The following RARB variants were observed in gnomAD, a reference collection of about 807,000 sequenced individuals.
RARB encodes retinoic acid receptor beta.
In RARB, 17 loss-of-function variants were observed where a neutral mutation model predicts 51.9. That is an observed-to-expected ratio of 0.33 (90% CI 0.22 to 0.49). The LOEUF (loss-of-function observed/expected upper bound fraction) is 0.49. RARB is among the 20% of genes least tolerant of loss of function. The pLI is 0.99. For missense variants in RARB, 369 were observed against 550.8 expected (o/e 0.67, Z 3.30); for synonymous variants, 215 against 195.4 (o/e 1.10, Z -0.84).
intron 2 of RARB, among the ~76,000 whole-genome samples, chr3:24,899,151 A>C (rs1703543056): frequency 6.6e-6 from 1 of 152,204 alleles, no homozygotes; most frequent in Non-Finnish European, 1.5e-5. Context: ...ATGAAAATGT[A>C]TAGGTCTTTC....
intron 3 of RARB, among the ~76,000 whole-genome samples, chr3:25,121,123 A>G (rs1699777479): frequency 1.3e-5 from 2 of 152,160 alleles, no homozygotes; most frequent in Admixed American, 6.6e-5. Context: ...GGGAAGGATC[A>G]CTATTTCTGC....
rs1171274414 is a variant in RARB, at chr3:25,057,627, G to C, written c.-379-2498G>C. Among the ~76,000 whole-genome samples the C allele has an allele frequency of 2.0e-5, 3 of 151,944 alleles. No homozygotes were observed. The East Asian group carries it at 5.8e-4, about 29-fold the overall frequency. ...CTCATTTGTGGACCCTATGGGATGA[G>C]AACAGCTTCAAAGGAAAAATGAAAA... On this transcript the variant is annotated intron_variant, in intron 2 of 11. Transcript: ENST00000383772.
chr3:25,434,091 C>T (rs928383819), intron 1 of RARB, among the ~76,000 whole-genome samples: 5 of 152,154 alleles, frequency 3.3e-5, no homozygotes, highest in African/African-American at 9.7e-5. Flanking sequence ...CAGGAACTGA[C>T]GTCAGCAAGG....
intron 5 of RARB, among the ~76,000 whole-genome samples, chr3:25,411,715 A>G (rs561458314): frequency 1.3e-5 from 2 of 152,354 alleles, no homozygotes; most frequent in East Asian, 3.9e-4. Flanking sequence ...CCTGCCCTTG[A>G]TGGTCATGGC....
chr3:25,330,800 A>C (rs1432831606), intron 5 of RARB, among the ~76,000 whole-genome samples: 2 of 152,216 alleles, frequency 1.3e-5, no homozygotes, highest in African/African-American at 4.8e-5. Flanking sequence ...ATAGGCTCAA[A>C]ATAAAGGGAT....
At chr3:25,073,936 G>A (rs1204554700) in intron 3 of RARB, among the ~76,000 whole-genome samples, 2 of 151,994 alleles carry the variant, frequency 1.3e-5, no homozygotes, top group African/African-American at 4.8e-5. Context: ...GACTAGAGTT[G>A]GTAAATCACG....
At chr3:25,163,504 A>AAAATATATATATATATATATATAT (rs1303712411) in intron 4 of RARB, among the ~76,000 whole-genome samples, 14 of 131,094 alleles carry the variant, frequency 1.1e-4, no homozygotes, top group African/African-American at 4.5e-4. Flanking sequence ...CCTATCTCAA[A>AAAATATATATATATATATATATAT]ATATATATAT....
intron 2 of RARB, among the ~76,000 whole-genome samples, chr3:24,931,005 T>A (rs914043594): frequency 6.6e-6 from 1 of 152,048 alleles, no homozygotes; most frequent in Non-Finnish European, 1.5e-5. Flanking sequence ...AGAGTGAGAC[T>A]CTGTCTCTGA....
rs1698451966 is a variant in RARB, at chr3:25,056,861, A to G, written c.-379-3264A>G. On this transcript the variant is annotated intron_variant, in intron 2 of 11. Transcript: ENST00000383772. ...TCTTCCTTTGCCCCTCCTTAGAATC[A>G]TTAGAGAAAAAATTCCTTAATGACG... Among the ~76,000 whole-genome samples, 5 of 152,254 alleles carry G rather than the reference A, an allele frequency of 3.3e-5. No individual in the cohort carries two copies. The South Asian group carries it at 1.0e-3, about 32-fold the overall frequency.
chr3:25,280,331 T>C (rs901939809), intron 5 of RARB, among the ~76,000 whole-genome samples: 4 of 151,864 alleles, frequency 2.6e-5, no homozygotes, highest in Non-Finnish European at 5.9e-5. Flanking sequence ...CAAATGAGGG[T>C]TTTTTAACCT....
At chr3:25,161,521 T>A (rs1326791681) in intron 4 of RARB, among the ~76,000 whole-genome samples, 1 of 152,144 alleles carries the variant, frequency 6.6e-6, no homozygotes, top group African/African-American at 2.4e-5. Flanking sequence ...TAATGTAGAA[T>A]TGTAAATTAA....
intron 3 of RARB, among the ~76,000 whole-genome samples, chr3:25,130,122 C>T (rs1297807105): frequency 1.3e-5 from 2 of 152,014 alleles, no homozygotes; most frequent in African/African-American, 2.4e-5. Flanking sequence ...ATAGGACAAA[C>T]AGGAACATGA....
intron 2 of RARB, among the ~76,000 whole-genome samples, chr3:24,972,784 A>G (rs1696429302): frequency 6.6e-6 from 1 of 151,938 alleles, no homozygotes; most frequent in Non-Finnish European, 1.5e-5. Flanking sequence ...GCCATTTGTA[A>G]GTCTTCTTTT....
At chr3:25,043,189 G>C (rs1698147822) in intron 2 of RARB, among the ~76,000 whole-genome samples, 4 of 152,086 alleles carry the variant, frequency 2.6e-5, no homozygotes, top group Non-Finnish European at 5.9e-5. Flanking sequence ...TCAAAACCAT[G>C]TTTTGACACT....
intron 1 of RARB, among the ~76,000 whole-genome samples, chr3:25,443,316 T>A (rs537283111): frequency 4.6e-5 from 7 of 152,054 alleles, no homozygotes; most frequent in Non-Finnish European, 8.8e-5. Flanking sequence ...GTGGAATATT[T>A]CCCTGGGCTA....
intron 3 of RARB, among the ~76,000 whole-genome samples, chr3:25,508,294 C>G (rs1697711665): frequency 6.6e-6 from 1 of 152,160 alleles, no homozygotes; most frequent in African/African-American, 2.4e-5. Flanking sequence ...TGAACGTCCC[C>G]ATGGGTCGAT....
At chr3:25,108,358 T>C (rs879852814) in intron 3 of RARB, among the ~76,000 whole-genome samples, 1 of 152,024 alleles carries the variant, frequency 6.6e-6, no homozygotes, top group Non-Finnish European at 1.5e-5. Flanking sequence ...CAGGTTAGGG[T>C]TGAGGTCACC....
chr3:25,490,182 G>T (rs1286653), intron 2 of RARB, among the ~76,000 whole-genome samples: 1 of 152,162 alleles, frequency 6.6e-6, no homozygotes, highest in Admixed American at 6.5e-5. Flanking sequence ...CTCCAGGTTC[G>T]GGATGGAACC....
At chr3:25,493,407 G>A (rs150974136) in intron 2 of RARB, among the ~76,000 whole-genome samples, 37 of 152,262 alleles carry the variant, frequency 2.4e-4, no homozygotes, top group African/African-American at 8.7e-4. Context: ...GAGTAGCTGT[G>A]ATGGGATTAT....
Sources: allele counts gnomAD v4.1 joint callset (sites outside exome capture counted in the v4.1 genomes callset), GRCh38; gene constraint gnomAD v4.1.1; transcripts MANE v1.5; gene names NCBI Gene and HGNC (gene_info 2026-07-23, HGNC 2026-07-21).